ZNF729: variants seen among roughly 807,000 people sequenced by gnomAD.
The protein encoded by ZNF729 is zinc finger protein 729.
A neutral mutation model predicts 12.2 loss-of-function variants in ZNF729; 15 were observed. The observed-to-expected ratio is 1.23, with a 90% confidence interval of 0.82 to 1.89. ZNF729 has a LOEUF of 1.89. Among genes scored for constraint, ZNF729 ranks in the 40% most tolerant of loss-of-function variants. The probability of loss-of-function intolerance (pLI) is 0.00; values close to 1 mark genes in which losing one functional copy is unlikely to be tolerated. For missense variants in ZNF729, 1,540 were observed against 1,456.7 expected (o/e 1.06, Z -0.93); for synonymous variants, 492 against 476.3 (o/e 1.03, Z -0.43).
intron 3 of ZNF729, among the ~76,000 whole-genome samples, chr19:22,311,983 A>G (rs2145056303): frequency 6.6e-6 from 1 of 152,104 alleles, no homozygotes. Context: ...GCTTTAAAGT[A>G]TATTTTGTCA....
At chr19:22,292,052 T>C (rs536330250) in intron 1 of ZNF729, among the ~76,000 whole-genome samples, 1 of 151,950 alleles carries the variant, frequency 6.6e-6, no homozygotes, top group South Asian at 2.1e-4. Context: ...TTGTTTTAAC[T>C]TTTATTTTTG....
Position 22,309,954 on chromosome 19 carries a change from G to GA in ZNF729, c.254-3717_254-3716insA, listed in dbSNP as rs566423161. Among the ~76,000 whole-genome samples, 215 of 150,636 alleles carry GA rather than the reference G, an allele frequency of 1.4e-3. 1 individual carries two copies. The highest frequency in any genetic ancestry group is 5.0e-3 in the African/African-American group (204 of 40,752). On this transcript the variant is annotated intron_variant, in intron 3 of 3. Transcript: ENST00000601693. Reference sequence around the variant, plus strand: ...GGTTAGGCATATTCCTAAGTTTTTGGGGTTTTTTTTTTTCACGGCTATTGT... The same window carrying GA: ...GGTTAGGCATATTCCTAAGTTTTTGGAGGTTTTTTTTTTTCACGGCTATTGT...
At chr19:22,291,730 G>GTTTTGT (rs199849041) in intron 1 of ZNF729, among the ~76,000 whole-genome samples, 136 of 152,206 alleles carry the variant, frequency 8.9e-4, no homozygotes, top group African/African-American at 3.1e-3. Context: ...GTTCTTTTAT[G>GTTTTGT]TTTTGTTTTT....
intron 1 of ZNF729, among the ~76,000 whole-genome samples, chr19:22,301,143 A>C (rs747380026): frequency 1.3e-5 from 2 of 152,198 alleles, no homozygotes; most frequent in Non-Finnish European, 2.9e-5. Flanking sequence ...GTAAAACTTA[A>C]TGGTGTATAT....
chr19:22,302,339 T>A (rs1384514956), intron 1 of ZNF729, among the ~76,000 whole-genome samples: 9 of 152,310 alleles, frequency 5.9e-5, no homozygotes, highest in Non-Finnish European at 1.2e-4. Flanking sequence ...CATGGTTGAA[T>A]TAAACGTCAT....
chr19:22,299,159 T>A (rs1599754463), intron 1 of ZNF729: 1 of 152,210 alleles, frequency 6.6e-6, no homozygotes, highest in African/African-American at 2.4e-5. Flanking sequence ...TTTGGTTGTT[T>A]AGAGAGAAAT....
chr19:22,293,234 A>G (rs1314155207), intron 1 of ZNF729, among the ~76,000 whole-genome samples: 2 of 152,104 alleles, frequency 1.3e-5, no homozygotes, highest in Admixed American at 6.6e-5. Flanking sequence ...CGCCCAGGCT[A>G]AAGTGCAGTG....
Position 22,315,759 on chromosome 19 carries a change from C to T in ZNF729, c.2342C>T (p.Ser781Leu), listed in dbSNP as rs1331403586. ...TGTGTCAAAGCTTTTAACAGTTTCT[C>T]AGCCCTTATGAAACATAAGGTAATT... ...EECVKAFNSF[S>L]ALMKHKVIHT... Residue 781 changes from serine to leucine, a missense_variant, in exon 4 of 4, where the codon TCA becomes TTA. Coordinates refer to ENST00000601693, the MANE Select transcript of ZNF729 (RefSeq NM_001242680.2). 4 of 1,608,920 alleles carry T rather than the reference C, an allele frequency of 2.5e-6. No individual in the cohort carries two copies. Among genetic ancestry groups the T allele is most frequent in the South Asian group, 1.1e-5 (1 of 91,004 alleles).
At chr19:22,297,260 A>AT (rs2145045104) in intron 1 of ZNF729, among the ~76,000 whole-genome samples, 1 of 149,302 alleles carries the variant, frequency 6.7e-6, no homozygotes, top group South Asian at 2.1e-4. Flanking sequence ...GTACCAATAC[A>AT]TTTTTTATAA....
chr19:22,290,719 C>A, intron 1 of ZNF729, among the ~76,000 whole-genome samples: 1 of 151,778 alleles, frequency 6.6e-6, no homozygotes, highest in East Asian at 1.9e-4. Context: ...TCTAGGTTGA[C>A]CACTGAAAAC....
chr19:22,310,846 A>G (rs1381004327), intron 3 of ZNF729, among the ~76,000 whole-genome samples: 1 of 152,176 alleles, frequency 6.6e-6, no homozygotes, highest in African/African-American at 2.4e-5. Context: ...GGATGATTTT[A>G]AAATTACCAT....
intron 1 of ZNF729, among the ~76,000 whole-genome samples, chr19:22,287,563 G>A (rs1302166335): frequency 1.3e-5 from 2 of 151,962 alleles, no homozygotes; most frequent in East Asian, 1.9e-4. Flanking sequence ...CGCTGCGCTC[G>A]GCCGAATTAG....
At position 22,315,026 on chromosome 19, in the gene ZNF729, A is replaced by C. The variant is rs576341161; in HGVS notation, c.1609A>C (p.Ile537Leu). 32 of 1,611,574 alleles carry C rather than the reference A, an allele frequency of 2.0e-5. No homozygotes were observed. In the South Asian group the frequency reaches 3.5e-4, roughly 18 times the overall value. ...CTCAACCCTTAGAAACCATCAGATA[A>C]TTCATACTGGAGAGAAACCCTACAA... is the stretch of plus-strand genomic sequence containing the variant. Reference protein sequence around the residue: ...QSSTLRNHQIIHTGEKPYKCE... With the variant: ...QSSTLRNHQILHTGEKPYKCE... Residue 537 changes from isoleucine to leucine, a missense_variant, in exon 4 of 4, where the codon ATT becomes CTT. Transcript: ENST00000601693.
chr19:22,316,562 A>T lies in ZNF729; in HGVS notation c.3145A>T (p.Lys1049Ter). The T allele has an allele frequency of 6.2e-7, 1 of 1,613,624 alleles. No individual in the cohort carries two copies. Among genetic ancestry groups the T allele is most frequent in the East Asian group, 2.2e-5 (1 of 44,840 alleles). The change falls in exon 4 of 4, where the codon AAA becomes TAA. Residue 1049 changes from lysine (K) to a stop codon, truncating the protein, a stop_gained. Coordinates refer to ENST00000601693, the MANE Select transcript of ZNF729 (RefSeq NM_001242680.2). LOFTEE classifies it low-confidence loss of function (END_TRUNC). Reference sequence around the variant, plus strand: ...AATTCATACTGGGGAGAAACCCTACAAATGTGAAGAATGTGGTAAAGCTTT... The same window carrying T: ...AATTCATACTGGGGAGAAACCCTACTAATGTGAAGAATGTGGTAAAGCTTT... ...KIIHTGEKPY[K>*]CEECGKAFKW...
Position 22,315,092 on chromosome 19 carries a change from C to T in ZNF729, c.1675C>T (p.Leu559Phe). 2 of 1,610,872 alleles carry T rather than the reference C, an allele frequency of 1.2e-6. No individual in the cohort carries two copies. The highest frequency in any genetic ancestry group is 1.7e-5 in the Admixed American group (1 of 59,940). Reference sequence around the variant, plus strand: ...TAAAGCTTTTAAGTGGTCATCAAAACTTACTGTACATAAGGTAATTCATAC... The same window carrying T: ...TAAAGCTTTTAAGTGGTCATCAAAATTTACTGTACATAAGGTAATTCATAC... Reference protein sequence around the residue: ...CGKAFKWSSKLTVHKVIHTGE... With the variant: ...CGKAFKWSSKFTVHKVIHTGE... The change falls in exon 4 of 4, where the codon CTT (leucine) becomes TTT (phenylalanine). Residue 559 changes from leucine to phenylalanine, a missense_variant. Coordinates refer to ENST00000601693, the MANE Select transcript of ZNF729 (RefSeq NM_001242680.2).
chr19:22,303,060 C>T (rs999722589), intron 1 of ZNF729, among the ~76,000 whole-genome samples: 1 of 152,214 alleles, frequency 6.6e-6, no homozygotes, highest in Admixed American at 6.5e-5. Flanking sequence ...CAGGAGTGAG[C>T]TACTGCGCCT....
rs1422389512 is a variant in ZNF729, at chr19:22,316,949, C to T, written c.3532C>T (p.His1178Tyr). The change falls in exon 4 of 4, where the codon CAC becomes TAC. Residue 1178 changes from histidine to tyrosine, a missense_variant. His to Tyr is a moderately conservative substitution (Grantham distance 83, BLOSUM62 2). Transcript: ENST00000601693. ...TAACCAGTCCTCACACCTTACTAGA[C>T]ACAAAACAATTCATACTGGAGAGAA... is the stretch of plus-strand genomic sequence containing the variant. The part of the protein sequence containing the change: ...AFNQSSHLTR[H>Y]KTIHTGEKPY... 8 of 1,612,506 alleles carry T rather than the reference C, an allele frequency of 5.0e-6. No individual in the cohort carries two copies. The highest frequency in any genetic ancestry group is 6.8e-6 in the Non-Finnish European group (8 of 1,179,856).
chr19:22,308,415 G>A (rs1456747321), intron 3 of ZNF729, among the ~76,000 whole-genome samples: 1 of 152,146 alleles, frequency 6.6e-6, no homozygotes, highest in African/African-American at 2.4e-5. Flanking sequence ...TCAAATGGTA[G>A]TATGACTTTT....
intron 1 of ZNF729, among the ~76,000 whole-genome samples, chr19:22,291,880 G>T (rs938515411): frequency 1.3e-5 from 2 of 151,890 alleles, no homozygotes; most frequent in Non-Finnish European, 2.9e-5. Flanking sequence ...ACTACAGGTG[G>T]CTGCCACCAC....
Sources: allele counts gnomAD v4.1 joint callset (sites outside exome capture counted in the v4.1 genomes callset), GRCh38; gene constraint gnomAD v4.1.1; transcripts MANE v1.5; gene names NCBI Gene and HGNC (gene_info 2026-07-23, HGNC 2026-07-21).